The following RIMS1 variants were observed in gnomAD, a reference collection of about 807,000 sequenced individuals.
The protein encoded by RIMS1 is regulating synaptic membrane exocytosis 1.
Under a neutral mutation model 214.1 loss-of-function variants are expected in RIMS1, and 83 were observed. The ratio of observed to expected loss-of-function variants is 0.39; its 90% CI spans 0.32 to 0.47. RIMS1 has a LOEUF of 0.47. RIMS1 is among the 20% of genes least tolerant of loss of function. The pLI is 0.99. For synonymous variants in RIMS1, 793 were observed against 786.8 expected (o/e 1.01, Z -0.13); for missense variants, 2,050 against 2,161.8 (o/e 0.95, Z 1.03).
At chr6:72,274,848 C>A (rs1004023317) in intron 23 of RIMS1, among the ~76,000 whole-genome samples, 2 of 151,908 alleles carry the variant, frequency 1.3e-5, no homozygotes, top group Non-Finnish European at 2.9e-5. Context: ...GCTGTGTACA[C>A]TTGTTAACAA....
chr6:72,201,001 A>G (rs2051886818), intron 6 of RIMS1, among the ~76,000 whole-genome samples: 1 of 151,978 alleles, frequency 6.6e-6, no homozygotes. Context: ...TTTCTGCCTA[A>G]TATATAAACG....
At chr6:71,976,746 T>G (rs1476333589) in intron 2 of RIMS1, among the ~76,000 whole-genome samples, 1 of 152,154 alleles carries the variant, frequency 6.6e-6, no homozygotes, top group Non-Finnish European at 1.5e-5. Flanking sequence ...AGGTCTTTGA[T>G]TCATTTTGAG....
chr6:72,293,281 G>A (rs1478960618), intron 26 of RIMS1, among the ~76,000 whole-genome samples: 2 of 151,894 alleles, frequency 1.3e-5, no homozygotes, highest in Non-Finnish European at 2.9e-5. Context: ...AAAATATGAT[G>A]CATTGTGAAA....
chr6:72,199,954 A>C (rs1293682628), intron 6 of RIMS1, among the ~76,000 whole-genome samples: 1 of 152,140 alleles, frequency 6.6e-6, no homozygotes, highest in Non-Finnish European at 1.5e-5. Context: ...CTGTGGGAAG[A>C]AGGGATATGA....
intron 19 of RIMS1, chr6:72,263,993 CA>C (rs1183643564): frequency 1.5e-6 from 1 of 677,964 alleles, no homozygotes; most frequent in Non-Finnish European, 1.8e-6. Context: ...GACTCTGTCT[CA>C]AAAAAGAAAA....
chr6:71,986,868 A>G (rs181773194), intron 2 of RIMS1, among the ~76,000 whole-genome samples: 2 of 152,240 alleles, frequency 1.3e-5, no homozygotes, highest in African/African-American at 2.4e-5. Flanking sequence ...AAAATGTCCA[A>G]TAGGGAATCA....
chr6:71,930,100 A>T (rs1376830142), intron 1 of RIMS1, among the ~76,000 whole-genome samples: 1 of 152,056 alleles, frequency 6.6e-6, no homozygotes, highest in East Asian at 1.9e-4. Flanking sequence ...TGTATGTGTA[A>T]AAAAGAAAAT....
intron 2 of RIMS1, among the ~76,000 whole-genome samples, chr6:72,002,256 TG>T (rs966530115): frequency 2.0e-5 from 3 of 152,092 alleles, no homozygotes; most frequent in Non-Finnish European, 2.9e-5. Context: ...AACTCTGTCC[TG>T]GGAGCAGCTG....
chr6:72,057,664 C>G (rs1277878733), intron 2 of RIMS1, among the ~76,000 whole-genome samples: 2 of 151,990 alleles, frequency 1.3e-5, no homozygotes, highest in Non-Finnish European at 2.9e-5. Context: ...CCCGCCACCA[C>G]TACTAGCTAA....
At chr6:72,266,253 T>C (rs1053693814) in intron 22 of RIMS1, 4 of 582,848 alleles carry the variant, frequency 6.9e-6, no homozygotes, top group African/African-American at 5.6e-5. Flanking sequence ...TACACATATT[T>C]CTATGAATGT....
At chr6:72,302,476 T>A (rs1490025996) in intron 26 of RIMS1, among the ~76,000 whole-genome samples, 1 of 151,688 alleles carries the variant, frequency 6.6e-6, no homozygotes, top group Non-Finnish European at 1.5e-5. Flanking sequence ...ACCTTTTTCA[T>A]CTTTTCTTGT....
At chr6:72,156,822 A>G (rs1294599061) in intron 4 of RIMS1, among the ~76,000 whole-genome samples, 1 of 141,232 alleles carries the variant, frequency 7.1e-6, no homozygotes, top group Admixed American at 7.2e-5. Context: ...GAAAATGCTT[A>G]CAAGTGCGAA....
intron 2 of RIMS1, among the ~76,000 whole-genome samples, chr6:72,063,510 C>T (rs550055252): frequency 1.9e-4 from 29 of 152,302 alleles, no homozygotes; most frequent in South Asian, 4.1e-4. Context: ...TTTGGGCATA[C>T]CTTCAAACCC....
In RIMS1 at chr6:72,119,998, G is replaced by A. The variant is rs572325895; in HGVS notation, c.471+20012G>A. 2.6e-5 allele frequency among the ~76,000 whole-genome samples: 4 copies of A among 151,836 alleles called. No homozygotes were observed. In the South Asian group the frequency reaches 8.3e-4, roughly 32 times the overall value. On this transcript the variant is annotated intron_variant, in intron 4 of 33. Coordinates refer to ENST00000521978, the MANE Select transcript of RIMS1 (RefSeq NM_014989.7). ...GGACATGAACTCATCATTTTTTATG[G>A]CTGCATAGTATTCCATGATGTATAT...
At chr6:72,216,922 C>T (rs1166352449) in intron 6 of RIMS1, 3 of 1,270,026 alleles carry the variant, frequency 2.4e-6, no homozygotes, top group Non-Finnish European at 3.0e-6. Flanking sequence ...TAGATTAATG[C>T]TGTAATCAAT....
intron 4 of RIMS1, among the ~76,000 whole-genome samples, chr6:72,100,468 C>T (rs1209999770): frequency 6.6e-6 from 1 of 151,840 alleles, no homozygotes; most frequent in Non-Finnish European, 1.5e-5. Flanking sequence ...CATACTGAAC[C>T]ACATTTTGCC....
chr6:72,400,063 T>G (rs2098823654), intron 33 of RIMS1, among the ~76,000 whole-genome samples: 1 of 152,186 alleles, frequency 6.6e-6, no homozygotes, highest in Non-Finnish European at 1.5e-5. Context: ...TACTTTCTGG[T>G]ACATACATTC....
intron 4 of RIMS1, among the ~76,000 whole-genome samples, chr6:72,100,424 T>C (rs1374650980): frequency 1.3e-5 from 2 of 152,048 alleles, no homozygotes; most frequent in East Asian, 3.9e-4. Context: ...CAAAGTATAA[T>C]TATTTTTCTA....
chr6:72,072,788 A>T (rs1176458591), intron 2 of RIMS1, among the ~76,000 whole-genome samples: 2 of 152,154 alleles, frequency 1.3e-5, no homozygotes, highest in African/African-American at 2.4e-5. Context: ...CAGCCATAAG[A>T]TAAGTTACTG....
Sources: gnomAD v4.1 joint callset for allele counts (sites outside exome capture counted in the v4.1 genomes callset) on GRCh38, gnomAD v4.1.1 for gene constraint, MANE v1.5 for transcripts, NCBI Gene and HGNC (gene_info 2026-07-23, HGNC 2026-07-21) for gene names.